Variants in WDR86 observed in about 807,000 individuals in gnomAD.
The protein encoded by WDR86 is WD repeat domain 86.
Under a neutral mutation model 36.5 loss-of-function variants are expected in WDR86, and 30 were observed. The ratio of observed to expected loss-of-function variants is 0.82; its 90% confidence interval spans 0.61 to 1.11. The LOEUF (loss-of-function observed/expected upper bound fraction) is 1.11, where lower values mean the gene tolerates loss of function less well. WDR86 is among the 50% of genes most tolerant of loss of function. The pLI, the probability that WDR86 is intolerant of heterozygous loss-of-function variation, is 0.00. For synonymous variants in WDR86, 255 were observed against 252.9 expected (o/e 1.01, Z -0.08); for missense variants, 545 against 561.2 (o/e 0.97, Z 0.29).
At chr7:151,402,615 C>G (rs1800424705) in intron 1 of WDR86, among the ~76,000 whole-genome samples, 1 of 152,204 alleles carries the variant, frequency 6.6e-6, no homozygotes, top group Non-Finnish European at 1.5e-5. Context: ...CGTGCAGGGA[C>G]TGGCTCCATG....
At chr7:151,369,349 A>G in the WDR86 span, among the ~76,000 whole-genome samples, 1 of 152,146 alleles carries the variant, frequency 6.6e-6, no homozygotes, top group East Asian at 1.9e-4. Context: ...CACATGCTGC[A>G]GTCTCCTTAG....
Position 151,395,866 on chromosome 7 carries a change from G to T in WDR86, c.636C>A (p.Ser212Arg). 6.3e-7 allele frequency: 1 copy of T among 1,597,668 alleles called. No homozygotes were observed. Residue 212 changes from serine (S) to arginine (R), a missense_variant, in exon 3 of 6, where the codon AGC (serine) becomes AGA (arginine). Ser to Arg is a moderately radical substitution (Grantham distance 110). Coordinates refer to ENST00000334493, the MANE Select transcript of WDR86 (RefSeq NM_198285.3). ...CCCAGGCACGGATGGTGGCGTCGGT[G>T]CTGCCTGTGAAGGCCGTGTGGCCGG... ...DTPGHTAFTG[S>R]TDATIRAWDI... is the part of the protein sequence containing the mutation.
chr7:151,409,259 C>T lies in WDR86; in HGVS notation c.163+168G>A. On this transcript the variant is annotated intron_variant, in intron 1 of 5. Coordinates refer to ENST00000334493, the MANE Select transcript of WDR86 (RefSeq NM_198285.3). This position sits in a 1 kb window ranked among gnomAD's most constrained non-coding sequence, Gnocchi z 5.2. ...CCAGACCTCACCCTGCCCTGCCGTG[C>T]GCTCAACAGCCAGATGCTGGGCCCA... The T allele has an allele frequency of 1.7e-6, 2 of 1,180,984 alleles. No homozygotes were observed. The highest frequency in any genetic ancestry group is 2.4e-6 in the Non-Finnish European group (2 of 835,812). The allele number at this position is 1,180,984 out of a possible 1,614,324, so 73.2% of individuals were successfully genotyped here.
At chr7:151,399,128 C>T (rs950895346) in intron 2 of WDR86, among the ~76,000 whole-genome samples, 3 of 152,190 alleles carry the variant, frequency 2.0e-5, no homozygotes, top group Non-Finnish European at 4.4e-5. Flanking sequence ...GCATATACCC[C>T]CCATTCACTC....
chr7:151,369,290 G>A, the WDR86 span: 1 of 153,924 alleles, frequency 6.5e-6, no homozygotes, highest in African/African-American at 2.4e-5. Context: ...TTACAGGTGT[G>A]AGCCACCGCG....
chr7:151,395,353 G>A (rs1009326425), intron 3 of WDR86, among the ~76,000 whole-genome samples: 6 of 152,184 alleles, frequency 3.9e-5, no homozygotes, highest in Non-Finnish European at 8.8e-5. Context: ...CCAGATTCAC[G>A]TGTCGCAGCC....
Position 151,409,747 on chromosome 7 carries a change from A to C in WDR86, c.-158T>G. ...GCACGCGGCGAGGGGAGGGTGAAGG[A>C]CCCTAGCTCCCCGCTGCCTCCAGCC... On this transcript the variant is annotated 5_prime_UTR_variant, in exon 1 of 6. Coordinates refer to ENST00000334493, the MANE Select transcript of WDR86 (RefSeq NM_198285.3). The surrounding 1 kb of genome is among the most constrained non-coding windows in gnomAD (Gnocchi z 5.2). The C allele has an allele frequency of 7.8e-7, 1 of 1,286,870 alleles. No homozygotes were observed. Among genetic ancestry groups the C allele is most frequent in the Non-Finnish European group, 9.8e-7 (1 of 1,021,490 alleles). 79.7% of individuals were successfully genotyped at this position (1,286,870 alleles called of 1,614,324 possible). A position where few individuals can be genotyped will look rare whatever the true frequency, so the allele number is the denominator to read the frequency against.
intron 2 of WDR86, among the ~76,000 whole-genome samples, chr7:151,397,697 GTAGTGGGAGGAAGGGCA>G (rs1252432715): frequency 1.0e-3 from 85 of 83,128 alleles, no homozygotes; most frequent in East Asian, 3.8e-3. Context: ...GGAAGAGGGT[GTAGTGGGAGGAAGGGCA>G]TAGCGGGAGG....
At position 151,409,231 on chromosome 7, in the gene WDR86, C is replaced by A. The variant is rs950507995; in HGVS notation, c.163+196G>T. On this transcript the variant is annotated intron_variant, in intron 1 of 5. Transcript: ENST00000334493. The surrounding 1 kb of genome is among the most constrained non-coding windows in gnomAD (Gnocchi z 5.2). ...CACCCTGCTCTGCACCCGCACCCCA[C>A]CCCCAGACCTCACCCTGCCCTGCCG... is the stretch of plus-strand genomic sequence containing the variant. The A allele has an allele frequency of 9.5e-5, 89 of 938,186 alleles. No homozygotes were observed. In the African/African-American group the frequency reaches 1.2e-3, roughly 12 times the overall value. The allele number at this position is 938,186 out of a possible 1,614,324, so 58.1% of individuals were successfully genotyped here. A position where few individuals can be genotyped will look rare whatever the true frequency, so the allele number is the denominator to read the frequency against.
At chr7:151,376,364 G>T (rs1001267955), downstream of WDR86, 1 of 507,052 alleles carries the variant, frequency 2.0e-6, no homozygotes, top group Non-Finnish European at 3.5e-6. Flanking sequence ...GGTGCTCGTG[G>T]TGAGGCTGGT....
At chr7:151,382,086 C>T (rs1474169928) in intron 4 of WDR86, 105 bp from the exon 5 acceptor site, 4 of 958,908 alleles carry the variant, frequency 4.2e-6, no homozygotes, top group Non-Finnish European at 6.3e-6. Context: ...GACTCCGCCC[C>T]ACGGGGGTAT....
chr7:151,394,543 C>T (rs909696889), intron 3 of WDR86, among the ~76,000 whole-genome samples: 1 of 152,252 alleles, frequency 6.6e-6, no homozygotes, highest in Non-Finnish European at 1.5e-5. Context: ...AGGGCAGAGG[C>T]TGGCCGAGAC....
chr7:151,408,353 C>T (rs1323376764), intron 1 of WDR86, among the ~76,000 whole-genome samples: 2 of 151,912 alleles, frequency 1.3e-5, no homozygotes, highest in Non-Finnish European at 2.9e-5. Context: ...CCCGCCACCA[C>T]GCCCAGCTAA....
At position 151,405,922 on chromosome 7, in the gene WDR86, C is replaced by T. The variant is rs558966128; in HGVS notation, c.163+3505G>A. 4.6e-5 allele frequency among the ~76,000 whole-genome samples: 7 copies of T among 152,272 alleles called. No individual in the cohort carries two copies. The East Asian group carries it at 1.4e-3, about 29-fold the overall frequency. ...GGGCTGCCACCTTCAGGCTGAGTCC[C>T]CTACTCAACAGGAACAGGATAGGAT... On this transcript the variant is annotated intron_variant, in intron 1 of 5. Transcript: ENST00000334493. The surrounding 1 kb of genome is among the most constrained non-coding windows in gnomAD (Gnocchi z 4.7).
rs927520697 is a variant in WDR86 at position 151,382,106 on chromosome 7, C to T, written c.863-125G>A. 18 of 789,624 alleles carry T rather than the reference C, an allele frequency of 2.3e-5. No homozygotes were observed. In the Admixed American group the frequency reaches 2.9e-4, roughly 13 times the overall value. The allele number at this position is 789,624 out of a possible 1,614,324, so 48.9% of individuals were successfully genotyped here. On this transcript the variant is annotated intron_variant, in intron 4 of 5. Transcript: ENST00000334493. ...CGCCCCACGGGGGTATCCTGAGGCT[C>T]ATATGGGAAGTGGACAGTGCCCCTC...
chr7:151,399,097 C>G (rs552539189), intron 2 of WDR86, among the ~76,000 whole-genome samples: 1 of 152,340 alleles, frequency 6.6e-6, no homozygotes, highest in East Asian at 1.9e-4. Flanking sequence ...CGGGGCCAGA[C>G]GGCCACCCTA....
At chr7:151,383,389 A>G (rs57109264) in intron 4 of WDR86, among the ~76,000 whole-genome samples, 5,383 of 151,220 alleles carry the variant, frequency 0.036, 332 homozygotes, top group African/African-American at 0.12. Flanking sequence ...CAGGAGAATC[A>G]CTTGAATCTG....
intron 1 of WDR86, among the ~76,000 whole-genome samples, chr7:151,408,186 T>A (rs1273354276): frequency 9.3e-6 from 1 of 107,512 alleles, no homozygotes; most frequent in Admixed American, 9.0e-5. Flanking sequence ...GTAATATTTT[T>A]TTCTTTTCTT....
intron 4 of WDR86, among the ~76,000 whole-genome samples, chr7:151,382,479 C>T (rs1379102152): frequency 6.6e-6 from 1 of 152,226 alleles, no homozygotes; most frequent in Non-Finnish European, 1.5e-5. Flanking sequence ...CCCCAGGTGG[C>T]TGCCTCTCCC....
Sources: allele counts gnomAD v4.1 joint callset (sites outside exome capture counted in the v4.1 genomes callset), GRCh38; gene constraint gnomAD v4.1.1; non-coding constraint Gnocchi (gnomAD v3.1); transcripts MANE v1.5; gene names NCBI Gene and HGNC (gene_info 2026-07-23, HGNC 2026-07-21).